The following LONRF3 variants were observed in gnomAD, a reference collection of about 807,000 sequenced individuals.
LONRF3 encodes LON peptidase N-terminal domain and RING finger protein 3.
LONRF3 carries 19 observed loss-of-function variants against 51.7 expected under a neutral mutation model. That is an observed-to-expected ratio of 0.37 (90% CI 0.26 to 0.54). LONRF3 has a LOEUF of 0.54. Ranked by LOEUF, LONRF3 falls within the 20% of genes least tolerant of loss-of-function variation. The pLI is 0.86. For synonymous variants in LONRF3, 265 were observed against 257.8 expected, an observed-to-expected ratio of 1.03 and a Z score of -0.27; for missense variants, 521 against 623.9, an observed-to-expected ratio of 0.84 and a Z score of 1.76.
chrX:118,978,998 CTTTTTTTTTTT>C (rs36016675), intron 2 of LONRF3, among the ~76,000 whole-genome samples: 23 of 56,098 alleles, frequency 4.1e-4, no homozygotes, highest in African/African-American at 1.9e-3. Flanking sequence ...TGTTTTCTTT[CTTTTTTTTTTT>C]TTTTTTTTTG....
chrX:119,006,468 G>A (rs1189533687), intron 6 of LONRF3, among the ~76,000 whole-genome samples: 2 of 101,902 alleles, frequency 2.0e-5, no homozygotes, highest in Non-Finnish European at 3.9e-5. Flanking sequence ...TGGCGTGATC[G>A]CGGGTCACTG....
chrX:118,997,527 A>G (rs1268815624), intron 5 of LONRF3, among the ~76,000 whole-genome samples: 1 of 112,800 alleles, frequency 8.9e-6, no homozygotes, highest in East Asian at 2.8e-4. Context: ...AGAAGATAAC[A>G]TTGGAAAAAC....
At chrX:119,016,385 G>A (rs1185190824) in intron 10 of LONRF3, among the ~76,000 whole-genome samples, 2 of 84,159 alleles carry the variant, frequency 2.4e-5, no homozygotes, top group African/African-American at 4.9e-5. Context: ...GTCTTGCTCT[G>A]TCGCCCAGGC....
chrX:118,981,022 C>A (rs1178059522), intron 2 of LONRF3, among the ~76,000 whole-genome samples: 1 of 111,534 alleles, frequency 9.0e-6, no homozygotes, highest in Non-Finnish European at 1.9e-5. Context: ...CACCTCCCAC[C>A]CTGATTTGCA....
At chrX:118,987,074 G>C in intron 3 of LONRF3, 2 of 1,153,079 alleles carry the variant, frequency 1.7e-6, no homozygotes, top group Non-Finnish European at 2.3e-6. Context: ...TACCAAGGTT[G>C]TTACAGGTAA....
chrX:118,987,829 T>C (rs5909581), intron 3 of LONRF3, among the ~76,000 whole-genome samples: 1,493 of 111,875 alleles, frequency 0.013, 15 homozygotes, highest in Non-Finnish European at 0.018. Context: ...CTATGCCTTA[T>C]ACATAAGTAA....
At chrX:119,015,475 C>T (rs916027847) in intron 10 of LONRF3, among the ~76,000 whole-genome samples, 3 of 111,750 alleles carry the variant, frequency 2.7e-5, no homozygotes, top group Non-Finnish European at 3.8e-5. Flanking sequence ...GCTTCTTTCC[C>T]CCCCCATGCA....
chrX:119,010,788 C>T (rs374301918), intron 7 of LONRF3, among the ~76,000 whole-genome samples: 5 of 111,185 alleles, frequency 4.5e-5, no homozygotes, highest in Non-Finnish European at 9.4e-5. Context: ...GGTTCCCCAA[C>T]GGGTTGTGTG....
At chrX:118,987,005 T>A in intron 3 of LONRF3, 1 of 1,150,101 alleles carries the variant, frequency 8.7e-7, no homozygotes, top group East Asian at 3.3e-5. Context: ...TGTTGGCACC[T>A]CACCCTAGAT....
rs1839794493 is a variant in LONRF3 at position 118,989,531 on chromosome X, G to A, written c.1183G>A (p.Glu395Lys). The change falls in exon 4 of 11, where the codon GAA (glutamate) becomes AAA (lysine). Residue 395 changes from glutamate to lysine, a missense_variant. This residue lies in a region of LONRF3 where 376 missense variants were observed against 376.7 expected (regional missense o/e 1.00). Coordinates refer to ENST00000371628, the MANE Select transcript of LONRF3 (RefSeq NM_001031855.3). ...DGQQHHMKDQ[E>K]EEEEKWDATS... ...TCAGCAGCACCACATGAAAGACCAG[G>A]AAGAAGAGGAGGAGAAGTGGGATGC... 8.3e-7 allele frequency: 1 copy of A among 1,211,551 alleles called. No homozygotes were observed. Among genetic ancestry groups the A allele is most frequent in the Non-Finnish European group, 1.1e-6 (1 of 895,474 alleles).
intron 5 of LONRF3, among the ~76,000 whole-genome samples, chrX:119,000,461 G>A (rs1322540733): frequency 9.0e-6 from 1 of 111,633 alleles, no homozygotes; most frequent in Non-Finnish European, 1.9e-5. Flanking sequence ...GGGGAGCTCT[G>A]TTGAGAGAAG....
At chrX:119,004,422 G>GT (rs1389735345) in intron 5 of LONRF3, among the ~76,000 whole-genome samples, 2 of 112,283 alleles carry the variant, frequency 1.8e-5, no homozygotes. Flanking sequence ...CAATGTATGG[G>GT]TTTTTTTGCT....
chrX:119,003,157 A>G, intron 5 of LONRF3, among the ~76,000 whole-genome samples: 1 of 110,330 alleles, frequency 9.1e-6, no homozygotes, highest in East Asian at 2.8e-4. Flanking sequence ...CATTTTTTTT[A>G]CCTTCAGGTC....
At chrX:118,993,617 G>A (rs1923590845) in intron 5 of LONRF3, among the ~76,000 whole-genome samples, 1 of 111,600 alleles carries the variant, frequency 9.0e-6, no homozygotes, top group African/African-American at 3.3e-5. Context: ...GGGAATAATC[G>A]AGGAAAACTT....
At chrX:119,003,006 G>C (rs750196262) in intron 5 of LONRF3, among the ~76,000 whole-genome samples, 2 of 109,851 alleles carry the variant, frequency 1.8e-5, no homozygotes, top group Admixed American at 1.9e-4. Flanking sequence ...CTGGTCTTGA[G>C]CTCCTCACCC....
chrX:118,978,737 G>A (rs149620973), intron 2 of LONRF3, among the ~76,000 whole-genome samples: 1 of 111,351 alleles, frequency 9.0e-6, no homozygotes, highest in African/African-American at 3.3e-5. Context: ...GACTGCCTGG[G>A]TTTATGTCCC....
intron 5 of LONRF3, among the ~76,000 whole-genome samples, chrX:118,991,015 G>A (rs1376776179): frequency 9.0e-6 from 1 of 110,806 alleles, no homozygotes; most frequent in African/African-American, 3.3e-5. Flanking sequence ...GTGCCACCAC[G>A]CTTGGCTAAG....
chrX:118,981,768 G>C (rs1460852677), intron 2 of LONRF3, among the ~76,000 whole-genome samples: 1 of 112,001 alleles, frequency 8.9e-6, no homozygotes, highest in Non-Finnish European at 1.9e-5. Context: ...GCAGCTTCAG[G>C]GCAGCCTCTG....
At chrX:119,012,798 A>G in intron 8 of LONRF3, 2 of 786,033 alleles carry the variant, frequency 2.5e-6, no homozygotes, top group Non-Finnish European at 1.8e-6. Context: ...TTCAAACCAT[A>G]GCACTGGCAC....
Sources: allele counts gnomAD v4.1 joint callset (sites outside exome capture counted in the v4.1 genomes callset), GRCh38; gene constraint gnomAD v4.1.1; regional missense constraint gnomAD v4.1.1; transcripts MANE v1.5; gene names NCBI Gene and HGNC (gene_info 2026-07-23, HGNC 2026-07-21).